The following MYO9A variants were observed in gnomAD, a reference collection of about 807,000 sequenced individuals.
MYO9A encodes unconventional myosin-IXa.
MYO9A carries 103 observed loss-of-function variants against 293.3 expected under a neutral mutation model. That is an observed-to-expected ratio of 0.35 (90% CI 0.30 to 0.41). MYO9A has a LOEUF of 0.41. MYO9A is among the 10% of genes least tolerant of loss of function. The pLI is 1.00. For missense variants in MYO9A, 2,685 were observed against 3,033.0 expected (o/e 0.89, Z 2.69); for synonymous variants, 1,001 against 1,035.7 (o/e 0.97, Z 0.64).
At position 71,897,439 on chromosome 15, in the gene MYO9A, C is replaced by T. The variant is rs746247171; in HGVS notation, c.5042+22G>A. 4.5e-6 allele frequency: 7 copies of T among 1,560,428 alleles called. No individual in the cohort carries two copies. In the Admixed American group the frequency reaches 5.7e-5, roughly 13 times the overall value. ...TACTCCAAGAAGTTTCCCATTTATA[C>T]ATAAATAAACATTTCACTTACAGGG... On this transcript the variant is annotated intron_variant, in intron 25 of 41. Coordinates refer to ENST00000356056, the MANE Select transcript of MYO9A (RefSeq NM_006901.4).
intron 8 of MYO9A, among the ~76,000 whole-genome samples, chr15:72,006,650 A>G (rs1437775282): frequency 6.6e-6 from 1 of 152,214 alleles, no homozygotes; most frequent in African/African-American, 2.4e-5. Flanking sequence ...ACCAAATAGC[A>G]TGAAGAGTGG....
At chr15:71,849,951 A>ATTCACTATTTTATGAACCCT in intron 38 of MYO9A, 85 bp downstream of exon 38, 2 of 1,520,024 alleles carry the variant, frequency 1.3e-6, no homozygotes, top group Non-Finnish European at 1.8e-6. Flanking sequence ...TTATGAACCC[A>ATTCACTATTTTATGAACCCT]TTCACTATGT....
intron 15 of MYO9A, among the ~76,000 whole-genome samples, chr15:71,947,602 T>C (rs1199085175): frequency 3.9e-5 from 6 of 152,188 alleles, no homozygotes; most frequent in African/African-American, 7.2e-5. Context: ...TATCTGTTAA[T>C]TGATTTGCAT....
intron 1 of MYO9A, among the ~76,000 whole-genome samples, chr15:72,051,993 C>T (rs1051231476): frequency 4.6e-5 from 7 of 152,188 alleles, no homozygotes; most frequent in African/African-American, 1.7e-4. Flanking sequence ...CCAGGCTCAC[C>T]CATGGTTGTC....
At chr15:71,881,337 T>C (rs1255476164) in intron 28 of MYO9A, among the ~76,000 whole-genome samples, 1 of 151,996 alleles carries the variant, frequency 6.6e-6, no homozygotes, top group East Asian at 1.9e-4. Flanking sequence ...GTCTTCCCAA[T>C]GTGTATGCTC....
intron 1 of MYO9A, among the ~76,000 whole-genome samples, chr15:72,094,576 C>T (rs1179642973): frequency 3.3e-5 from 3 of 91,616 alleles, no homozygotes; most frequent in Admixed American, 1.2e-4. Context: ...AGCAGCATGA[C>T]CATCATAGCT....
At chr15:71,987,207 TG>T (rs2076428866) in intron 11 of MYO9A, among the ~76,000 whole-genome samples, 1 of 152,196 alleles carries the variant, frequency 6.6e-6, no homozygotes, top group Non-Finnish European at 1.5e-5. Context: ...TACAGGATGA[TG>T]TTCATACAAC....
intron 14 of MYO9A, among the ~76,000 whole-genome samples, chr15:71,955,717 A>G (rs1277996416): frequency 2.0e-5 from 3 of 152,208 alleles, no homozygotes; most frequent in African/African-American, 4.8e-5. Flanking sequence ...TCCTTGATTT[A>G]AAGTATACAA....
rs2076640971 is a variant in MYO9A at position 71,994,542 on chromosome 15, G to C, written c.1514C>G (p.Ala505Gly). The change falls in exon 10 of 42, where the codon GCC becomes GGC. Residue 505 changes from alanine (A) to glycine (G), a missense_variant. Physicochemically the swap from Ala to Gly is moderately conservative, Grantham distance 60. This residue lies in a region of MYO9A where 289 missense variants were observed against 456.8 expected (regional missense o/e 0.63). Transcript: ENST00000356056. ...TCGAAAAACTATCCAGTCAAACAGG[G>C]CACTATACAGAGACTTAGCCATGGA... ...RNSMAKSLYSALFDWIVFRIN... is the reference protein window; with the variant it reads ...RNSMAKSLYSGLFDWIVFRIN... The C allele has an allele frequency of 6.2e-7, 1 of 1,610,910 alleles. No homozygotes were observed. Among genetic ancestry groups the C allele is most frequent in the Admixed American group, 1.7e-5 (1 of 59,122 alleles).
intron 14 of MYO9A, among the ~76,000 whole-genome samples, chr15:71,953,154 T>G (rs1380552155): frequency 6.6e-6 from 1 of 152,216 alleles, no homozygotes; most frequent in Non-Finnish European, 1.5e-5. Flanking sequence ...GTTGAATGTT[T>G]CAAAAAGAGA....
chr15:71,867,798 T>TCACACACACACACACA lies in MYO9A; in HGVS notation c.5980-5203_5980-5188dup, dbSNP rs57300333. Among the ~76,000 whole-genome samples the TCACACACACACACACA allele has an allele frequency of 1.8e-3, 236 of 127,622 alleles. 2 individuals are homozygous for TCACACACACACACACA. The highest frequency in any genetic ancestry group is 6.6e-3 in the African/African-American group (224 of 33,694). 83.7% of individuals were successfully genotyped at this position (127,622 alleles called of 152,430 possible). A position where few individuals can be genotyped will look rare whatever the true frequency, so the allele number is the denominator to read the frequency against. The stretch of plus-strand genomic sequence containing the variant: ...CACTAATTTCAATTCTGGGAATCCA[T>TCACACACACACACACA]CACACACACACACACACACACACAC... On this transcript the variant is annotated intron_variant, in intron 32 of 41. Transcript: ENST00000356056.
intron 39 of MYO9A, among the ~76,000 whole-genome samples, chr15:71,836,508 A>AT (rs894277017): frequency 2.0e-5 from 3 of 152,034 alleles, no homozygotes; most frequent in Admixed American, 6.6e-5. Context: ...CCACTCCTGT[A>AT]TATTTCTCCA....
chr15:71,972,913 T>C (rs796773962), intron 12 of MYO9A, among the ~76,000 whole-genome samples: 6 of 152,282 alleles, frequency 3.9e-5, no homozygotes, highest in African/African-American at 1.4e-4. Flanking sequence ...ATTGGTTCAC[T>C]GGCTGCATAA....
At chr15:71,998,248 T>C (rs1297717033) in intron 9 of MYO9A, among the ~76,000 whole-genome samples, 1 of 152,114 alleles carries the variant, frequency 6.6e-6, no homozygotes, top group Non-Finnish European at 1.5e-5. Context: ...ATGTTCTCAC[T>C]TCTAAGTGGA....
chr15:71,937,677 C>A (rs1482102346), intron 16 of MYO9A, among the ~76,000 whole-genome samples: 1 of 151,970 alleles, frequency 6.6e-6, no homozygotes, highest in Non-Finnish European at 1.5e-5. Context: ...ACCAGAAACC[C>A]ATATAGATCA....
At chr15:71,844,848 T>C (rs1294291863) in intron 39 of MYO9A, among the ~76,000 whole-genome samples, 1 of 152,170 alleles carries the variant, frequency 6.6e-6, no homozygotes, top group Non-Finnish European at 1.5e-5. Flanking sequence ...TGATGACTAT[T>C]TAGAAAAAGA....
At chr15:71,891,473 G>A (rs2057175858) in intron 26 of MYO9A, 1 of 152,146 alleles carries the variant, frequency 6.6e-6, no homozygotes, top group African/African-American at 2.4e-5. Context: ...ATGTATACTA[G>A]ACAAAGCAGG....
chr15:71,999,994 T>C, intron 8 of MYO9A, 54 bp from the exon 9 acceptor site: 4 of 1,465,688 alleles, frequency 2.7e-6, no homozygotes, highest in South Asian at 2.5e-5. Context: ...ATAGGTTGAA[T>C]TATCTTTTGA....
chr15:72,056,581 A>C (rs1279827865), intron 1 of MYO9A, among the ~76,000 whole-genome samples: 1 of 152,202 alleles, frequency 6.6e-6, no homozygotes, highest in Non-Finnish European at 1.5e-5. Context: ...AACTTTGGGG[A>C]CTTGGGGGAA....
Sources: gnomAD v4.1 joint callset for allele counts (sites outside exome capture counted in the v4.1 genomes callset) on GRCh38, gnomAD v4.1.1 for gene constraint, gnomAD v4.1.1 regional missense constraint, MANE v1.5 for transcripts, NCBI Gene and HGNC (gene_info 2026-07-23, HGNC 2026-07-21) for gene names.